Variants in CCDC32 observed in about 807,000 individuals in gnomAD.
CCDC32 encodes coiled-coil domain containing 32.
CCDC32 carries 9 observed loss-of-function variants against 20.1 expected under a neutral mutation model. The observed-to-expected ratio is 0.45, with a 90% confidence interval of 0.27 to 0.78. CCDC32 has a LOEUF of 0.78. Ranked by LOEUF, CCDC32 falls within the 30% of genes least tolerant of loss-of-function variation. CCDC32 has a pLI of 0.16. For missense variants in CCDC32, 204 were observed against 215.5 expected, an observed-to-expected ratio of 0.95 and a Z score of 0.33; for synonymous variants, 63 against 79.0, an observed-to-expected ratio of 0.80 and a Z score of 1.07.
rs11403391 is a variant in CCDC32 at position 40,558,809 on chromosome 15, T to TC, written c.245-1438_245-1437insG. Among the ~76,000 whole-genome samples the TC allele has an allele frequency of 3.9e-3, 589 of 151,970 alleles. 6 individuals carry two copies. Among genetic ancestry groups the TC allele is most frequent in the African/African-American group, 0.013 (554 of 41,446 alleles). ...TCATTACACTTTTTCTTTCTTTCTTTTTTTTTTTGAGACGGAGTCTCGCTC... is the reference window on the plus strand; with the variant it reads ...TCATTACACTTTTTCTTTCTTTCTTTCTTTTTTTTGAGACGGAGTCTCGCTC... On this transcript the variant is annotated intron_variant, in intron 2 of 3. Coordinates refer to ENST00000416810, the MANE Select transcript of CCDC32 (RefSeq NM_001080792.4).
At chr15:40,536,644 A>G (rs1889123294), downstream of CCDC32, 1 of 152,294 alleles carries the variant, frequency 6.6e-6, no homozygotes, top group South Asian at 2.1e-4. Context: ...AGTATGACAC[A>G]TGAAATTATG....
chr15:40,563,543 T>C (rs1044373176), intron 1 of CCDC32, among the ~76,000 whole-genome samples: 14 of 152,060 alleles, frequency 9.2e-5, no homozygotes, highest in African/African-American at 3.4e-4. Flanking sequence ...GTTTAATGGG[T>C]ACACAGTTTC....
Position 40,562,928 on chromosome 15 carries a change from C to T in CCDC32, c.88G>A (p.Glu30Lys), listed in dbSNP as rs1370183803. 6.2e-7 allele frequency: 1 copy of T among 1,614,092 alleles called. No individual in the cohort carries two copies. Among genetic ancestry groups the T allele is most frequent in the African/African-American group, 1.3e-5 (1 of 74,924 alleles). Reference protein sequence around the residue: ...AEICSCLPNPEQEDGANNAFS... With the variant: ...AEICSCLPNPKQEDGANNAFS... ...GCATTGTTGGCACCATCTTCTTGTT[C>T]AGGATTTGGCAGACAGGAACAAATT... The change falls in exon 2 of 4, where the codon GAA becomes AAA. Residue 30 changes from glutamate (E) to lysine (K), a missense_variant. By Grantham distance (56) the Glu-to-Lys change is moderately conservative. Coordinates refer to ENST00000416810, the MANE Select transcript of CCDC32 (RefSeq NM_001080792.4).
downstream of CCDC32, chr15:40,534,753 A>G: frequency 1.6e-6 from 1 of 625,572 alleles, no homozygotes; most frequent in Non-Finnish European, 2.9e-6. Flanking sequence ...AATCCCATTG[A>G]TAAAGGGTCC....
In CCDC32 at chr15:40,553,757, A is replaced by T; in HGVS notation, c.*214T>A. 1 of 1,360,124 alleles carries T rather than the reference A, an allele frequency of 7.4e-7. No individual in the cohort carries two copies. The highest frequency in any genetic ancestry group is 9.5e-7 in the Non-Finnish European group (1 of 1,057,078). 84.3% of individuals were successfully genotyped at this position (1,360,124 alleles called of 1,614,324 possible). On this transcript the variant is annotated 3_prime_UTR_variant, in exon 4 of 4. Transcript: ENST00000416810. ...GTCAGTCACTTCATCCGAGACAGTCACACATGCCAGCCCCAGGTAAGTCCC... is the reference window on the plus strand; with the variant it reads ...GTCAGTCACTTCATCCGAGACAGTCTCACATGCCAGCCCCAGGTAAGTCCC...
the CCDC32 span, among the ~76,000 whole-genome samples, chr15:40,523,018 T>A: frequency 0.87 from 130,815 of 150,514 alleles, 57,455 homozygotes; most frequent in Non-Finnish European, 0.93. Flanking sequence ...GTAGAGAGTG[T>A]GTTTTCGCCA....
chr15:40,551,179 C>G (rs1165777280), downstream of CCDC32, among the ~76,000 whole-genome samples: 1 of 152,048 alleles, frequency 6.6e-6, no homozygotes, highest in Admixed American at 6.6e-5. Flanking sequence ...TCAGGAGATC[C>G]AGACCATCCT....
intron 3 of CCDC32, 91 bp from the exon 4 acceptor site, chr15:40,554,218 C>T (rs117221331): frequency 1.0e-5 from 15 of 1,484,252 alleles, no homozygotes; most frequent in African/African-American, 2.8e-5. Flanking sequence ...ACTACCTTCC[C>T]GCCCACCAGC....
chr15:40,530,203 G>A (rs1299716186), downstream of CCDC32, among the ~76,000 whole-genome samples: 1 of 145,304 alleles, frequency 6.9e-6, no homozygotes, highest in African/African-American at 2.5e-5. Flanking sequence ...TGAGGCAGGA[G>A]AACTACTTGA....
At chr15:40,560,392 C>T (rs541363798) in intron 2 of CCDC32, among the ~76,000 whole-genome samples, 7 of 152,298 alleles carry the variant, frequency 4.6e-5, no homozygotes, top group Non-Finnish European at 8.8e-5. Context: ...AAACTAAAAA[C>T]TTCCGTACAG....
At chr15:40,541,388 A>G (rs1889387607) in intron 3 of CCDC32, among the ~76,000 whole-genome samples, 1 of 150,306 alleles carries the variant, frequency 6.7e-6, no homozygotes. Context: ...GCTGGAGTGC[A>G]GTGGCTCCAT....
chr15:40,557,910 CTA>C (rs1890358582), intron 2 of CCDC32: 2 of 151,202 alleles, frequency 1.3e-5, no homozygotes, highest in South Asian at 2.1e-4. Flanking sequence ...TTTAAAATCT[CTA>C]TGTGTGATTA....
At chr15:40,539,471 G>T (rs1475429863) in intron 3 of CCDC32, 2 of 866,798 alleles carry the variant, frequency 2.3e-6, no homozygotes, top group East Asian at 2.7e-5. Context: ...GAGTGCGAAG[G>T]TGCGAGGAAG....
In CCDC32 at chr15:40,544,387, A is replaced by AT. The variant is rs201055946; in HGVS notation, c.402-5033dup. On this transcript the variant is annotated intron_variant, in intron 3 of 3. Transcript: ENST00000558113. ...AGTACCACGCCAGGCTAATTTTTAA[A>AT]TTTTTTTTTTGTAGAGACGGGGTCT... Among the ~76,000 whole-genome samples, 166 of 151,180 alleles carry AT rather than the reference A, an allele frequency of 1.1e-3. 1 individual carries two copies. Among genetic ancestry groups the AT allele is most frequent in the Non-Finnish European group, 1.9e-3 (127 of 67,770 alleles).
At chr15:40,530,869 C>G (rs1447113699), downstream of CCDC32, among the ~76,000 whole-genome samples, 4 of 151,104 alleles carry the variant, frequency 2.6e-5, no homozygotes, top group Admixed American at 2.0e-4. Context: ...GCGCCACCAC[C>G]CGGCTAATTT....
chr15:40,556,267 G>A (rs1283999683), intron 3 of CCDC32, among the ~76,000 whole-genome samples: 2 of 152,226 alleles, frequency 1.3e-5, no homozygotes, highest in Non-Finnish European at 2.9e-5. Context: ...ACCAAAGCCA[G>A]GAGGGAGCTC....
chr15:40,554,913 C>T (rs1890138750), intron 3 of CCDC32, among the ~76,000 whole-genome samples: 1 of 152,088 alleles, frequency 6.6e-6, no homozygotes, highest in African/African-American at 2.4e-5. Flanking sequence ...GAAAGAATAC[C>T]ATAACAGCAG....
downstream of CCDC32, chr15:40,532,407 T>G (rs1254328757): frequency 1.6e-5 from 11 of 668,474 alleles, no homozygotes; most frequent in Non-Finnish European, 3.0e-5. Flanking sequence ...GTCTTACTGC[T>G]GCTACTGCCA....
intron 1 of CCDC32, chr15:40,564,730 T>G: frequency 1.2e-5 from 19 of 1,614,096 alleles, no homozygotes; most frequent in Non-Finnish European, 1.6e-5. Context: ...CAACCCGAAT[T>G]CGTCTAAAGC....
Sources: gnomAD v4.1 joint callset for allele counts (sites outside exome capture counted in the v4.1 genomes callset) on GRCh38, gnomAD v4.1.1 for gene constraint, MANE v1.5 for transcripts, NCBI Gene and HGNC (gene_info 2026-07-23, HGNC 2026-07-21) for gene names.